Variants in TRDMT1 observed in about 807,000 individuals in gnomAD.
TRDMT1 encodes tRNA aspartic acid methyltransferase 1.
In TRDMT1, 49 loss-of-function variants were observed where a neutral mutation model predicts 51.2. The ratio of observed to expected loss-of-function variants is 0.96; its 90% CI spans 0.76 to 1.21. The LOEUF (loss-of-function observed/expected upper bound fraction) is 1.21. TRDMT1 is among the 50% of genes most tolerant of loss of function. The probability of loss-of-function intolerance (pLI) is 0.00; values close to 1 mark genes in which losing one functional copy is unlikely to be tolerated. For missense variants in TRDMT1, 534 were observed against 462.3 expected (o/e 1.16, Z -1.42); for synonymous variants, 187 against 164.6 (o/e 1.14, Z -1.04).
chr10:17,159,020 A>G (rs1588526278), intron 7 of TRDMT1, 126 bp downstream of exon 7: 1 of 538,134 alleles, frequency 1.9e-6, no homozygotes, highest in Non-Finnish European at 3.0e-6. Flanking sequence ...GGCATGGTCT[A>G]TACTTTAGAT....
At position 17,146,996 on chromosome 10, in the gene TRDMT1, T is replaced by A; in HGVS notation, c.*2044A>T. ...CCATAATTTAAGAATTCCACTAAGCTACATTCTGTCTACCAGTTTGTAAGC... is the reference window on the plus strand; with the variant it reads ...CCATAATTTAAGAATTCCACTAAGCAACATTCTGTCTACCAGTTTGTAAGC... On this transcript the variant is annotated 3_prime_UTR_variant, in exon 11 of 11. Coordinates refer to ENST00000377799, the MANE Select transcript of TRDMT1 (RefSeq NM_004412.7). 1 of 985,572 alleles carries A rather than the reference T, an allele frequency of 1.0e-6. No individual in the cohort carries two copies. Among genetic ancestry groups the A allele is most frequent in the Non-Finnish European group, 1.2e-6 (1 of 829,934 alleles). The allele number at this position is 985,572 out of a possible 1,614,324, so 61.1% of individuals were successfully genotyped here. A position where few individuals can be genotyped will look rare whatever the true frequency, so the allele number is the denominator to read the frequency against.
chr10:17,168,577 G>T (rs1841525175), intron 3 of TRDMT1, among the ~76,000 whole-genome samples: 1 of 152,136 alleles, frequency 6.6e-6, no homozygotes, highest in African/African-American at 2.4e-5. Flanking sequence ...GGTCTCTGCT[G>T]TGCTGTTCTT....
At chr10:17,176,985 G>A (rs1277757658) in intron 1 of TRDMT1, among the ~76,000 whole-genome samples, 2 of 152,100 alleles carry the variant, frequency 1.3e-5, no homozygotes, top group Non-Finnish European at 2.9e-5. Flanking sequence ...AAAGGAGGCA[G>A]AATTTGGGAA....
At chr10:17,163,630 C>T (rs999735637) in intron 3 of TRDMT1, among the ~76,000 whole-genome samples, 44 of 151,912 alleles carry the variant, frequency 2.9e-4, no homozygotes, top group Middle Eastern at 3.4e-3. Flanking sequence ...GCTAGCAAGA[C>T]TAATAAAGAA....
At chr10:17,189,739 T>C (rs1844438515) in intron 1 of TRDMT1, among the ~76,000 whole-genome samples, 1 of 152,140 alleles carries the variant, frequency 6.6e-6, no homozygotes, top group African/African-American at 2.4e-5. Context: ...TGCTAACATA[T>C]GATTTCAATT....
Position 17,169,226 on chromosome 10 carries a change from T to C in TRDMT1, c.175-309A>G. The C allele has an allele frequency of 5.2e-6, 4 of 770,680 alleles. 1 individual carries two copies. The South Asian group carries it at 8.3e-5, about 16-fold the overall frequency. 47.7% of individuals were successfully genotyped at this position (770,680 alleles called of 1,614,324 possible). On this transcript the variant is annotated intron_variant, in intron 2 of 10. Coordinates refer to ENST00000377799, the MANE Select transcript of TRDMT1 (RefSeq NM_004412.7). ...CACACCTCAAGTGTAACACTGCTGTTTTCTAGAGTAAAACGTGGAGAACCT... is the reference window on the plus strand; with the variant it reads ...CACACCTCAAGTGTAACACTGCTGTCTTCTAGAGTAAAACGTGGAGAACCT...
chr10:17,172,654 G>A (rs1332510913), intron 2 of TRDMT1, among the ~76,000 whole-genome samples: 2 of 152,122 alleles, frequency 1.3e-5, no homozygotes, highest in Admixed American at 1.3e-4. Flanking sequence ...TATATCACAT[G>A]CAAACTTTGA....
chr10:17,163,569 C>A (rs887739003), intron 3 of TRDMT1, among the ~76,000 whole-genome samples: 1 of 151,918 alleles, frequency 6.6e-6, no homozygotes. Flanking sequence ...TTCAAAAAAT[C>A]AATGAATCCA....
intron 1 of TRDMT1, among the ~76,000 whole-genome samples, chr10:17,201,105 G>T (rs2131649778): frequency 6.6e-6 from 1 of 152,052 alleles, no homozygotes; most frequent in East Asian, 2.0e-4. Flanking sequence ...CTTCTACCTT[G>T]AATTGTAGCT....
At chr10:17,157,342 T>C (rs1839664702) in intron 8 of TRDMT1, 99 bp downstream of exon 8, 1 of 1,193,012 alleles carries the variant, frequency 8.4e-7, no homozygotes, top group East Asian at 2.4e-5. Flanking sequence ...CAAAAACATT[T>C]TATAAAATGC....
intron 2 of TRDMT1, chr10:17,169,208 C>T (rs1841632520): frequency 4.7e-6 from 3 of 636,076 alleles, no homozygotes; most frequent in Non-Finnish European, 6.9e-6. Context: ...TATCACACCT[C>T]AAGTGTAACA....
At position 17,147,564 on chromosome 10, in the gene TRDMT1, C is replaced by G. The variant is rs937098204; in HGVS notation, c.*1476G>C. 1.2e-5 allele frequency: 2 copies of G among 163,568 alleles called. No homozygotes were observed. The highest frequency in any genetic ancestry group is 4.8e-5 in the African/African-American group (2 of 41,686). The allele number at this position is 163,568 out of a possible 1,614,324, so 10.1% of individuals were successfully genotyped here. On this transcript the variant is annotated 3_prime_UTR_variant, in exon 11 of 11. Coordinates refer to ENST00000377799, the MANE Select transcript of TRDMT1 (RefSeq NM_004412.7). ...CCATTATGCACTAACTACCCATTCT[C>G]CATCCCCACAGGGTGGCTTATTTCA...
Position 17,143,443 on chromosome 10 carries a change from T to C in TRDMT1, c.*5597A>G. On this transcript the variant is annotated 3_prime_UTR_variant, in exon 11 of 11. Transcript: ENST00000377799. ...GCTCTTAAATATGAAAGTCAACTCA[T>C]TTCTACTACACAAGGAGTATCACAT... 1.0e-6 allele frequency: 1 copy of C among 985,472 alleles called. No homozygotes were observed. Among genetic ancestry groups the C allele is most frequent in the Non-Finnish European group, 1.2e-6 (1 of 829,932 alleles). 61.0% of individuals were successfully genotyped at this position (985,472 alleles called of 1,614,324 possible).
intron 3 of TRDMT1, among the ~76,000 whole-genome samples, chr10:17,163,643 G>C (rs958281677): frequency 6.6e-6 from 1 of 151,808 alleles, no homozygotes; most frequent in Non-Finnish European, 1.5e-5. Context: ...ATAAAGAAGA[G>C]AGAAGAATCA....
At position 17,148,859 on chromosome 10, in the gene TRDMT1, A is replaced by G; in HGVS notation, c.*181T>C. Reference sequence around the variant, plus strand: ...ATAACAATAGTTCGTATTTTATAAAATACAGTAATATAAATTTGATGAAAC... The same window carrying G: ...ATAACAATAGTTCGTATTTTATAAAGTACAGTAATATAAATTTGATGAAAC... On this transcript the variant is annotated 3_prime_UTR_variant, in exon 11 of 11. Transcript: ENST00000377799. 1 of 1,213,396 alleles carries G rather than the reference A, an allele frequency of 8.2e-7. No homozygotes were observed. Among genetic ancestry groups the G allele is most frequent in the Non-Finnish European group, 1.1e-6 (1 of 943,248 alleles). The allele number at this position is 1,213,396 out of a possible 1,614,324, so 75.2% of individuals were successfully genotyped here.
chr10:17,194,043 A>C (rs1406122549), intron 1 of TRDMT1, among the ~76,000 whole-genome samples: 4 of 152,132 alleles, frequency 2.6e-5, no homozygotes, highest in South Asian at 4.1e-4. Context: ...CAAAGTAGAC[A>C]AAAAAAATGG....
chr10:17,162,261 AAC>A lies in TRDMT1; in HGVS notation c.252-26_252-25del, dbSNP rs774631033. 3.2e-4 allele frequency: 487 copies of A among 1,506,038 alleles called. No homozygotes were observed. In the African/African-American group the frequency reaches 4.6e-3, roughly 14 times the overall value. The allele number at this position is 1,506,038 out of a possible 1,614,324, so 93.3% of individuals were successfully genotyped here. A position where few individuals can be genotyped will look rare whatever the true frequency, so the allele number is the denominator to read the frequency against. On this transcript the variant is annotated intron_variant, in intron 3 of 10. Transcript: ENST00000377799. ...TCCTAAAGGGGTAAAAAAAAAAAAA[AAC>A]AAAAAAAAACACAGAAAGTTTATTA...
chr10:17,144,862 A>T lies in TRDMT1; in HGVS notation c.*4178T>A. 4 of 985,310 alleles carry T rather than the reference A, an allele frequency of 4.1e-6. No individual in the cohort carries two copies. Among genetic ancestry groups the T allele is most frequent in the Non-Finnish European group, 4.8e-6 (4 of 829,904 alleles). 61.0% of individuals were successfully genotyped at this position (985,310 alleles called of 1,614,324 possible). A position where few individuals can be genotyped will look rare whatever the true frequency, so the allele number is the denominator to read the frequency against. On this transcript the variant is annotated 3_prime_UTR_variant, in exon 11 of 11. Coordinates refer to ENST00000377799, the MANE Select transcript of TRDMT1 (RefSeq NM_004412.7). ...TTAAAATTTCACCAGCAAAGACAAGAAATAGTGAAAGGGAAAATGATGCAC... is the reference window on the plus strand; with the variant it reads ...TTAAAATTTCACCAGCAAAGACAAGTAATAGTGAAAGGGAAAATGATGCAC...
intron 2 of TRDMT1, among the ~76,000 whole-genome samples, chr10:17,169,850 A>C (rs1271712467): frequency 6.6e-6 from 1 of 152,186 alleles, no homozygotes; most frequent in Non-Finnish European, 1.5e-5. Context: ...CATCTGTGAA[A>C]ATGAAATCAA....
Sources: gnomAD v4.1 joint callset for allele counts (sites outside exome capture counted in the v4.1 genomes callset) on GRCh38, gnomAD v4.1.1 for gene constraint, MANE v1.5 for transcripts, NCBI Gene and HGNC (gene_info 2026-07-23, HGNC 2026-07-21) for gene names.